The following TBC1D10C variants were observed in gnomAD, a reference collection of about 807,000 sequenced individuals.
TBC1D10C encodes TBC1 domain family member 10C.
Under a neutral mutation model 51.0 loss-of-function variants are expected in TBC1D10C, and 49 were observed. That is an observed-to-expected ratio of 0.96 (90% CI 0.76 to 1.22). The LOEUF is 1.22. Among genes scored for constraint, TBC1D10C ranks in the 50% most tolerant of loss-of-function variants. The pLI is 0.00. For synonymous variants in TBC1D10C, 281 were observed against 266.7 expected (o/e 1.05, Z -0.52); for missense variants, 541 against 617.5 (o/e 0.88, Z 1.31).
Position 67,409,942 on chromosome 11 carries a change from C to G in TBC1D10C, c.*188C>G. On this transcript the variant is annotated 3_prime_UTR_variant, in exon 9 of 9. Coordinates refer to ENST00000542590, the MANE Select transcript of TBC1D10C (RefSeq NM_001369496.1). ...GTCAGGCACTAGCATGGAGGAGGGT[C>G]ACAGAGTGGGGCACGTGAGGACCCA... 1.7e-6 allele frequency: 1 copy of G among 594,520 alleles called. No individual in the cohort carries two copies. Among genetic ancestry groups the G allele is most frequent in the Non-Finnish European group, 2.9e-6 (1 of 345,600 alleles). 36.8% of individuals were successfully genotyped at this position (594,520 alleles called of 1,614,324 possible).
chr11:67,404,742 CCAGACT>C (rs1863072115), intron 1 of TBC1D10C, among the ~76,000 whole-genome samples: 1 of 152,086 alleles, frequency 6.6e-6, no homozygotes. Context: ...AGACACAGAC[CCAGACT>C]CAAACTCAGG....
chr11:67,404,000 G>A, upstream of TBC1D10C: 1 of 534,798 alleles, frequency 1.9e-6, no homozygotes, highest in Non-Finnish European at 3.0e-6. Context: ...TTGGGGCTGG[G>A]TCTCCGGACA....
rs1863387465 is a variant in TBC1D10C, at chr11:67,409,998, A to G, written c.*244A>G. 1 of 493,290 alleles carries G rather than the reference A, an allele frequency of 2.0e-6. No individual in the cohort carries two copies. The highest frequency in any genetic ancestry group is 3.6e-6 in the Non-Finnish European group (1 of 281,538). 30.6% of individuals were successfully genotyped at this position (493,290 alleles called of 1,614,324 possible). A position where few individuals can be genotyped will look rare whatever the true frequency, so the allele number is the denominator to read the frequency against. On this transcript the variant is annotated 3_prime_UTR_variant, in exon 9 of 9. Transcript: ENST00000542590. The stretch of plus-strand genomic sequence containing the variant: ...CCGTCCTGGTGCCCAGGCCCTCACA[A>G]GTACCAAAGCCAGCACCAAAGGAGT...
At chr11:67,406,211 A>C in intron 5 of TBC1D10C, 194 bp downstream of exon 5, 1 of 541,338 alleles carries the variant, frequency 1.8e-6, no homozygotes, top group Non-Finnish European at 3.2e-6. Context: ...GGGACCCTTG[A>C]CCCCAGCCTT....
At chr11:67,408,737 C>T (rs548170978) in intron 7 of TBC1D10C, 28 of 457,216 alleles carry the variant, frequency 6.1e-5, no homozygotes, top group African/African-American at 3.5e-4. Context: ...GGATGGGAGG[C>T]GACAGTAACC....
At chr11:67,404,793 A>C in intron 1 of TBC1D10C, 1 of 411,584 alleles carries the variant, frequency 2.4e-6, no homozygotes, top group Middle Eastern at 6.4e-4. Context: ...CTCTCCAGCC[A>C]GCTTCCCCTA....
In TBC1D10C at chr11:67,405,954, G is replaced by C. The variant is rs1426731675; in HGVS notation, c.519G>C (p.Glu173Asp). 2 of 1,606,678 alleles carry C rather than the reference G, an allele frequency of 1.2e-6. No homozygotes were observed. Among genetic ancestry groups the C allele is most frequent in the Non-Finnish European group, 1.7e-6 (2 of 1,177,520 alleles). Reference protein sequence around the residue: ...VLKAYTLYRPEQGYCQAQGPV... With the variant: ...VLKAYTLYRPDQGYCQAQGPV... The stretch of plus-strand genomic sequence containing the variant: ...AGGCCTACACCCTGTATCGACCGGA[G>C]CAGGGCTACTGCCAGGCCCAGGGGC... The change falls in exon 5 of 9, where the codon GAG becomes GAC. Residue 173 changes from glutamate (E) to aspartate (D), a missense_variant. By Grantham distance (45) the Glu-to-Asp change is conservative. Coordinates refer to ENST00000542590, the MANE Select transcript of TBC1D10C (RefSeq NM_001369496.1).
rs1456116289 is a variant in TBC1D10C at position 67,406,823 on chromosome 11, A to G, written c.649-4A>G. ...TGCTGGCCTGCTGATGGACGTGGCC[A>G]CAGGAGGCTGTGCGGCTGGACGCCG... On this transcript the variant is annotated splice_polypyrimidine_tract_variant and splice_region_variant and intron_variant, in intron 6 of 8. Transcript: ENST00000542590. 1.2e-6 allele frequency: 2 copies of G among 1,608,442 alleles called. No individual in the cohort carries two copies. The highest frequency in any genetic ancestry group is 1.7e-6 in the Non-Finnish European group (2 of 1,177,984).
intron 7 of TBC1D10C, chr11:67,407,546 CAGG>C (rs1363665733): frequency 6.4e-6 from 1 of 155,474 alleles, no homozygotes; most frequent in Non-Finnish European, 1.4e-5. Flanking sequence ...CTGCTCTGTG[CAGG>C]AGGAGGACTC....
At chr11:67,405,350 A>T in intron 2 of TBC1D10C, 49 bp from the exon 3 acceptor site, 1 of 1,587,510 alleles carries the variant, frequency 6.3e-7, no homozygotes, top group Non-Finnish European at 8.6e-7. Flanking sequence ...GGGGCCTGCC[A>T]GCAGGAGCTA....
chr11:67,409,487 G>T lies in TBC1D10C; in HGVS notation c.1074G>T (p.Pro358=). 6.5e-7 allele frequency: 1 copy of T among 1,548,464 alleles called. No homozygotes were observed. Among genetic ancestry groups the T allele is most frequent in the Non-Finnish European group, 8.7e-7 (1 of 1,146,380 alleles). Reference sequence around the variant, plus strand: ...TGGCCCAGCTGCCCGATTCCGCGCCGGGACCCCCGCCCCGGCCACAGGTCC... The same window carrying T: ...TGGCCCAGCTGCCCGATTCCGCGCCTGGACCCCCGCCCCGGCCACAGGTCC... The part of the protein sequence containing the change: ...AQLAQLPDSA[P]GPPPRPQVRL... Residue 358 remains proline (P), a synonymous_variant, in exon 9 of 9, where the codon CCG becomes CCT. Coordinates refer to ENST00000542590, the MANE Select transcript of TBC1D10C (RefSeq NM_001369496.1).
intron 3 of TBC1D10C, 44 bp downstream of exon 3, chr11:67,405,550 C>A (rs1372988577): frequency 1.9e-6 from 3 of 1,613,784 alleles, no homozygotes; most frequent in Non-Finnish European, 1.7e-6. Flanking sequence ...CCCAGAGCCC[C>A]TCACCACACT....
At chr11:67,406,160 T>C in intron 5 of TBC1D10C, 143 bp downstream of exon 5, 2 of 662,036 alleles carry the variant, frequency 3.0e-6, no homozygotes, top group Non-Finnish European at 4.9e-6. Flanking sequence ...ACTGCCAGCC[T>C]CAGTGACCTT....
Position 67,404,310 on chromosome 11 carries a change from G to A in TBC1D10C, c.108G>A (p.Gln36=). ...SELSGPGPYR[Q]ADRYGFIGGS... ...TCAGCGGGCCTGGCCCATATCGCCA[G>A]GCCGACCGCTATGGATTCATTGGGG... Residue 36 remains glutamine (Q), a synonymous_variant, in exon 1 of 9, where the codon CAG becomes CAA. Transcript: ENST00000542590. 3.1e-6 allele frequency: 5 copies of A among 1,599,622 alleles called. No homozygotes were observed. The highest frequency in any genetic ancestry group is 3.4e-6 in the Non-Finnish European group (4 of 1,169,898).
In TBC1D10C at chr11:67,405,903, G is replaced by T; in HGVS notation, c.468G>T (p.Gly156=). The change falls in exon 5 of 9, where the codon GGG becomes GGT. Residue 156 remains glycine, a splice_region_variant and synonymous_variant. Coordinates refer to ENST00000542590, the MANE Select transcript of TBC1D10C (RefSeq NM_001369496.1). ...CCCCTTATGGGGTCTTCCGGCACAGGCAGCAGGGGCTCCTGCAGGTGCTCA... is the reference window on the plus strand; with the variant it reads ...CCCCTTATGGGGTCTTCCGGCACAGTCAGCAGGGGCTCCTGCAGGTGCTCA... ...HEMFVSPQGH[G]QQGLLQVLKA... is the part of the protein sequence containing the mutation. The T allele has an allele frequency of 6.3e-7, 1 of 1,588,268 alleles. No individual in the cohort carries two copies. The highest frequency in any genetic ancestry group is 1.8e-5 in the Admixed American group (1 of 56,036).
At position 67,409,507 on chromosome 11, in the gene TBC1D10C, A is replaced by G; in HGVS notation, c.1094A>G (p.Gln365Arg). The G allele has an allele frequency of 5.8e-6, 9 of 1,548,412 alleles. No individual in the cohort carries two copies. The highest frequency in any genetic ancestry group is 7.9e-6 in the Non-Finnish European group (9 of 1,146,240). ...DSAPGPPPRP[Q>R]VRLAGAQAIF... The stretch of plus-strand genomic sequence containing the variant: ...GCGCCGGGACCCCCGCCCCGGCCAC[A>G]GGTCCGCCTCGCCGGGGCCCAAGCC... Residue 365 changes from glutamine (Q) to arginine (R), a missense_variant, in exon 9 of 9, where the codon CAG becomes CGG. By Grantham distance (43) the Gln-to-Arg change is conservative. Coordinates refer to ENST00000542590, the MANE Select transcript of TBC1D10C (RefSeq NM_001369496.1).
At chr11:67,406,120 G>A in intron 5 of TBC1D10C, 103 bp downstream of exon 5, 1 of 1,014,650 alleles carries the variant, frequency 9.9e-7, no homozygotes, top group Non-Finnish European at 1.4e-6. Flanking sequence ...TTGATTCCTG[G>A]ACCCTGTCCT....
intron 7 of TBC1D10C, chr11:67,407,694 G>A (rs1863241717): frequency 6.6e-6 from 1 of 152,540 alleles, no homozygotes; most frequent in Non-Finnish European, 1.5e-5. Context: ...AAGAACAGGA[G>A]GGGAGTCGGA....
At chr11:67,404,434 G>C in intron 1 of TBC1D10C, 80 bp downstream of exon 1, 1 of 1,417,676 alleles carries the variant, frequency 7.1e-7, no homozygotes. Context: ...AGGGAGGCCG[G>C]GAGGGTCTGG....
Sources: gnomAD v4.1 joint callset for allele counts (sites outside exome capture counted in the v4.1 genomes callset) on GRCh38, gnomAD v4.1.1 for gene constraint, MANE v1.5 for transcripts, NCBI Gene and HGNC (gene_info 2026-07-23, HGNC 2026-07-21) for gene names.